DNAH10: variants seen among roughly 807,000 people sequenced by gnomAD.
DNAH10 encodes the protein dynein axonemal heavy chain 10.
Under a neutral mutation model 506.6 loss-of-function variants are expected in DNAH10, and 348 were observed. The observed-to-expected ratio is 0.69, with a 90% confidence interval of 0.63 to 0.75. DNAH10 has a LOEUF of 0.75. Among genes scored for constraint, DNAH10 ranks in the 30% least tolerant of loss-of-function variants. DNAH10 has a pLI of 0.00. For missense variants in DNAH10, 5,179 were observed against 5,787.1 expected, an observed-to-expected ratio of 0.89 and a Z score of 3.41; for synonymous variants, 2,059 against 2,198.6, an observed-to-expected ratio of 0.94 and a Z score of 1.78.
intron 72 of DNAH10, 90 bp from the exon 73 acceptor site, chr12:123,930,312 T>C: frequency 7.7e-7 from 1 of 1,305,230 alleles, no homozygotes; most frequent in Admixed American, 3.4e-5. Context: ...TGGAGTCTCT[T>C]GACCCTGGGT....
At chr12:123,782,334 C>CCCTCT (rs760426126) in intron 6 of DNAH10, among the ~76,000 whole-genome samples, 1 of 102,814 alleles carries the variant, frequency 9.7e-6, no homozygotes, top group African/African-American at 4.2e-5. Context: ...GCCCTGCCTC[C>CCCTCT]CCTCCCCTCC....
At chr12:123,843,848 G>T (rs1950855670) in intron 30 of DNAH10, among the ~76,000 whole-genome samples, 1 of 152,232 alleles carries the variant, frequency 6.6e-6, no homozygotes, top group Admixed American at 6.5e-5. Context: ...AAAGCGCTGG[G>T]ATTACAGGCG....
intron 5 of DNAH10, 56 bp from the exon 6 acceptor site, chr12:123,781,024 A>G (rs1375701413): frequency 5.1e-6 from 7 of 1,379,518 alleles, no homozygotes; most frequent in South Asian, 2.7e-5. Context: ...CAATTTGAAT[A>G]CATGAATTAT....
At chr12:123,915,272 G>T (rs994909307) in intron 62 of DNAH10, among the ~76,000 whole-genome samples, 1 of 152,170 alleles carries the variant, frequency 6.6e-6, no homozygotes, top group African/African-American at 2.4e-5. Flanking sequence ...TACGGGGTTC[G>T]TGGTCTGGGT....
intron 41 of DNAH10, 24 bp downstream of exon 41, chr12:123,866,097 C>G: frequency 6.4e-7 from 1 of 1,563,482 alleles, no homozygotes; most frequent in Non-Finnish European, 8.7e-7. Flanking sequence ...CTAAAATGAA[C>G]TTAAATTTAT....
chr12:123,846,288 C>T lies in DNAH10; in HGVS notation c.5814+134C>T. 8.2e-7 allele frequency: 1 copy of T among 1,222,710 alleles called. No individual in the cohort carries two copies. 75.7% of individuals were successfully genotyped at this position (1,222,710 alleles called of 1,614,324 possible). On this transcript the variant is annotated intron_variant, in intron 32 of 78. Transcript: ENST00000673944. The surrounding 1 kb of genome is among the most constrained non-coding windows in gnomAD (Gnocchi z 4.5). ...GCTTTGAAATCTCGAAAAGCTTTTC[C>T]ATTTGGGATGTGACCAGATTGTCAC...
intron 36 of DNAH10, among the ~76,000 whole-genome samples, chr12:123,855,363 G>A (rs1328237988): frequency 6.6e-6 from 1 of 152,130 alleles, no homozygotes. Flanking sequence ...GCTCATGCCT[G>A]TAATCCTAGC....
In DNAH10 at chr12:123,928,383, G is replaced by A. The variant is rs370137095; in HGVS notation, c.12106-4G>A. On this transcript the variant is annotated splice_polypyrimidine_tract_variant and splice_region_variant and intron_variant, in intron 69 of 78. Coordinates refer to ENST00000673944, the MANE Select transcript of DNAH10 (RefSeq NM_001372106.1). The surrounding 1 kb of genome is among the most constrained non-coding windows in gnomAD (Gnocchi z 4.9). The stretch of plus-strand genomic sequence containing the variant: ...CCTCTCCTCTTCCCTCTCCCCCGGC[G>A]CAGGTGGCCCTGCAGCTGCTGGAGA... 30 of 1,587,844 alleles carry A rather than the reference G, an allele frequency of 1.9e-5. No individual in the cohort carries two copies. Among genetic ancestry groups the A allele is most frequent in the East Asian group, 2.3e-5 (1 of 43,688 alleles).
intron 24 of DNAH10, among the ~76,000 whole-genome samples, chr12:123,825,807 C>A (rs1959922562): frequency 6.6e-6 from 1 of 152,126 alleles, no homozygotes; most frequent in African/African-American, 2.4e-5. Flanking sequence ...TTATTATATA[C>A]CAGTTAATCC....
At chr12:123,868,588 A>G (rs1951903551) in intron 43 of DNAH10, among the ~76,000 whole-genome samples, 1 of 152,254 alleles carries the variant, frequency 6.6e-6, no homozygotes, top group Admixed American at 6.5e-5. Flanking sequence ...TACAATTAAC[A>G]TTTTATGTTT....
At chr12:123,842,768 A>G (rs1950817116) in intron 30 of DNAH10, among the ~76,000 whole-genome samples, 1 of 152,198 alleles carries the variant, frequency 6.6e-6, no homozygotes, top group Non-Finnish European at 1.5e-5. Flanking sequence ...CATGGTGCAA[A>G]TATTCCTGCC....
intron 56 of DNAH10, among the ~76,000 whole-genome samples, chr12:123,901,946 C>G (rs1953543331): frequency 6.6e-6 from 1 of 152,190 alleles, no homozygotes; most frequent in Non-Finnish European, 1.5e-5. Context: ...CAGGTGTGAG[C>G]CACCATGCCT....
At chr12:123,923,990 T>A in intron 66 of DNAH10, 123 bp downstream of exon 66, 1 of 787,038 alleles carries the variant, frequency 1.3e-6, no homozygotes, top group Non-Finnish European at 2.0e-6. Context: ...CCAACAGCAC[T>A]GCATTTTTCA....
At chr12:123,866,229 CTTTTTTTT>C (rs71088963) in intron 41 of DNAH10, among the ~76,000 whole-genome samples, 156 bp downstream of exon 41, 115 of 58,190 alleles carry the variant, frequency 2.0e-3, no homozygotes, top group Middle Eastern at 0.022. Context: ...GGCAGACACA[CTTTTTTTT>C]TTTTTTTTTT....
rs1955076223 is a variant in DNAH10, at chr12:123,928,987, T to C, written c.12307-288T>C. 3 of 532,020 alleles carry C rather than the reference T, an allele frequency of 5.6e-6. No individual in the cohort carries two copies. Among genetic ancestry groups the C allele is most frequent in the Admixed American group, 3.6e-5 (1 of 27,994 alleles). The allele number at this position is 532,020 out of a possible 1,614,324, so 33.0% of individuals were successfully genotyped here. ...GGTTTTGTCATTCTCTGTCTCTCTCTCTCTCTCTGGGGAGGTGGAGGGAAG... is the reference window on the plus strand; with the variant it reads ...GGTTTTGTCATTCTCTGTCTCTCTCCCTCTCTCTGGGGAGGTGGAGGGAAG... On this transcript the variant is annotated intron_variant, in intron 70 of 78. Transcript: ENST00000673944. This position sits in a 1 kb window ranked among gnomAD's most constrained non-coding sequence, Gnocchi z 4.9.
intron 36 of DNAH10, among the ~76,000 whole-genome samples, chr12:123,854,053 A>AT (rs1461525480): frequency 7.9e-6 from 1 of 126,510 alleles, no homozygotes; most frequent in Non-Finnish European, 1.7e-5. Context: ...TTCTTTTGGG[A>AT]TTTTCACACA....
Position 123,893,278 on chromosome 12 carries a change from T to C in DNAH10, c.9041T>C (p.Leu3014Pro). ...TCTGAAGAGGAGAAAGAGTCTATCC[T>C]GAGTCAGATTGGACAGGAAGCTCTG... Reference protein sequence around the residue: ...LFSEEEKESILSQIGQEALKQ... With the variant: ...LFSEEEKESIPSQIGQEALKQ... The change falls in exon 53 of 79, where the codon CTG (leucine) becomes CCG (proline). Residue 3014 changes from leucine (L) to proline (P), a missense_variant. This residue lies in a region of DNAH10 where 4,844 missense variants were observed against 5,430.5 expected (regional missense o/e 0.89). Transcript: ENST00000673944. The C allele has an allele frequency of 1.2e-6, 2 of 1,614,054 alleles. No individual in the cohort carries two copies. The highest frequency in any genetic ancestry group is 8.5e-7 in the Non-Finnish European group (1 of 1,179,896).
chr12:123,786,492 G>A (rs1259990360), intron 9 of DNAH10, among the ~76,000 whole-genome samples: 8 of 151,740 alleles, frequency 5.3e-5, no homozygotes, highest in Admixed American at 2.6e-4. Context: ...ACCATACAGC[G>A]TGCTGTCTTT....
Position 123,918,914 on chromosome 12 carries a change from C to T in DNAH10, c.11471C>T (p.Thr3824Met), listed in dbSNP as rs370235492. Residue 3824 changes from threonine to methionine, a missense_variant, in exon 65 of 79, where the codon ACG becomes ATG. This residue lies in a region of DNAH10 where 4,844 missense variants were observed against 5,430.5 expected (regional missense o/e 0.89). Transcript: ENST00000673944. ...LMKRLRNIMD[T>M]LTFSIYNHGC... ...AAACGCCTGAGGAACATCATGGACA[C>T]GCTGACCTTCAGCATCTATAACCAC... 8.7e-6 allele frequency: 14 copies of T among 1,613,572 alleles called. 1 individual carries two copies. The highest frequency in any genetic ancestry group is 4.5e-5 in the East Asian group (2 of 44,880).
Sources: allele counts gnomAD v4.1 joint callset (sites outside exome capture counted in the v4.1 genomes callset), GRCh38; gene constraint gnomAD v4.1.1; regional missense constraint gnomAD v4.1.1; non-coding constraint Gnocchi (gnomAD v3.1); transcripts MANE v1.5; gene names NCBI Gene and HGNC (gene_info 2026-07-23, HGNC 2026-07-21).